GSTCD: variants seen among roughly 807,000 people sequenced by gnomAD.
GSTCD encodes the protein glutathione S-transferase C-terminal domain containing, also known as glutathione S-transferase C-terminal domain-containing protein.
A neutral mutation model predicts 68.3 loss-of-function variants in GSTCD; 44 were observed. That is an observed-to-expected ratio of 0.64 (90% CI 0.51 to 0.83). The LOEUF (loss-of-function observed/expected upper bound fraction) is 0.83. Among genes scored for constraint, GSTCD ranks in the 40% least tolerant of loss-of-function variants. The pLI is 0.00. For synonymous variants in GSTCD, 273 were observed against 255.2 expected (o/e 1.07, Z -0.67); for missense variants, 739 against 735.9 (o/e 1.00, Z -0.05).
At chr4:105,834,780 T>C (rs1015142032) in intron 9 of GSTCD, among the ~76,000 whole-genome samples, 186 bp downstream of exon 9, 6 of 152,244 alleles carry the variant, frequency 3.9e-5, no homozygotes, top group Non-Finnish European at 8.8e-5. Flanking sequence ...ATTTTTCCCC[T>C]GGATCCAGTT....
chr4:105,807,419 CTT>C (rs938794101), intron 5 of GSTCD: 1 of 152,086 alleles, frequency 6.6e-6, no homozygotes, highest in Admixed American at 6.6e-5. Context: ...CTCTCACTCT[CTT>C]TGAATATGCA....
chr4:105,729,853 C>A (rs1452073001), intron 5 of GSTCD, among the ~76,000 whole-genome samples: 2 of 152,136 alleles, frequency 1.3e-5, no homozygotes, highest in Non-Finnish European at 1.5e-5. Context: ...ATTAACTCAT[C>A]ATTTACATTA....
chr4:105,803,706 A>T (rs1206123892), intron 5 of GSTCD, among the ~76,000 whole-genome samples: 1 of 152,064 alleles, frequency 6.6e-6, no homozygotes, highest in Non-Finnish European at 1.5e-5. Flanking sequence ...AGTGAAAAAA[A>T]AAATGCAACT....
At chr4:105,730,179 T>C (rs543764100) in intron 5 of GSTCD, among the ~76,000 whole-genome samples, 1 of 152,286 alleles carries the variant, frequency 6.6e-6, no homozygotes, top group East Asian at 1.9e-4. Context: ...TCTTTGCTAT[T>C]GTGAATAGTG....
intron 5 of GSTCD, among the ~76,000 whole-genome samples, chr4:105,804,348 TCCC>T (rs1479305565): frequency 6.6e-6 from 1 of 152,070 alleles, no homozygotes; most frequent in Non-Finnish European, 1.5e-5. Flanking sequence ...AATAGAATAA[TCCC>T]CTAAATTATA....
intron 5 of GSTCD, among the ~76,000 whole-genome samples, chr4:105,741,630 A>C (rs1452687167): frequency 6.6e-6 from 1 of 152,226 alleles, no homozygotes; most frequent in Non-Finnish European, 1.5e-5. Flanking sequence ...AATCAATTAC[A>C]TCAGCTACCA....
chr4:105,839,545 G>A (rs989082425), intron 10 of GSTCD, among the ~76,000 whole-genome samples: 1 of 152,210 alleles, frequency 6.6e-6, no homozygotes, highest in African/African-American at 2.4e-5. Flanking sequence ...TGAAGCACGA[G>A]AATTGATTGA....
chr4:105,829,841 T>C (rs1477437701), intron 8 of GSTCD, among the ~76,000 whole-genome samples: 1 of 151,550 alleles, frequency 6.6e-6, no homozygotes, highest in Non-Finnish European at 1.5e-5. Flanking sequence ...GAGGGAACGA[T>C]CAGAGAACAA....
chr4:105,794,311 C>T (rs552263545), intron 5 of GSTCD, among the ~76,000 whole-genome samples: 9 of 152,010 alleles, frequency 5.9e-5, no homozygotes, highest in Admixed American at 3.3e-4. Context: ...TGAACATCCC[C>T]GTACGATACT....
At position 105,755,079 on chromosome 4, in the gene GSTCD, A is replaced by T. The variant is rs912549850; in HGVS notation, c.1240+25580A>T. Among the ~76,000 whole-genome samples, 322 of 144,578 alleles carry T rather than the reference A, an allele frequency of 2.2e-3. 1 individual carries two copies. Among genetic ancestry groups the T allele is most frequent in the Middle Eastern group, 0.014 (4 of 284 alleles). The allele number at this position is 144,578 out of a possible 152,430, so 94.8% of individuals were successfully genotyped here. ...TCCAAAAAAAAAAAAAAAAAAAAAA[A>T]AAAAAAAAAAAAAAAAAAAATTAGC... On this transcript the variant is annotated intron_variant, in intron 5 of 11. Coordinates refer to ENST00000515279, the MANE Select transcript of GSTCD (RefSeq NM_001370181.1).
intron 5 of GSTCD, among the ~76,000 whole-genome samples, chr4:105,778,758 ACT>A (rs975718576): frequency 6.6e-6 from 1 of 152,052 alleles, no homozygotes; most frequent in Non-Finnish European, 1.5e-5. Flanking sequence ...TTTCTGTCAT[ACT>A]CTTTTTAAAT....
intron 5 of GSTCD, among the ~76,000 whole-genome samples, chr4:105,730,077 C>G (rs917725588): frequency 1.3e-5 from 2 of 152,108 alleles, no homozygotes; most frequent in Non-Finnish European, 2.9e-5. Context: ...TGAACTCATC[C>G]TTTTTTATGG....
chr4:105,724,222 C>T (rs1279117390), intron 3 of GSTCD, among the ~76,000 whole-genome samples: 1 of 151,642 alleles, frequency 6.6e-6, no homozygotes, highest in Admixed American at 6.6e-5. Flanking sequence ...TCTACGGAAA[C>T]ATTTGTTGCC....
intron 5 of GSTCD, among the ~76,000 whole-genome samples, chr4:105,819,772 A>G (rs868517533): frequency 6.6e-6 from 1 of 151,674 alleles, no homozygotes. Context: ...AGAGTGGTGT[A>G]TACAACATTG....
chr4:105,710,430 T>G (rs1732498487), intron 1 of GSTCD, among the ~76,000 whole-genome samples: 1 of 146,222 alleles, frequency 6.8e-6, no homozygotes, highest in South Asian at 2.3e-4. Flanking sequence ...GGTTTCACCA[T>G]GTTGGCCAGG....
intron 5 of GSTCD, among the ~76,000 whole-genome samples, chr4:105,791,946 A>T (rs929828221): frequency 6.6e-6 from 1 of 152,142 alleles, no homozygotes; most frequent in Non-Finnish European, 1.5e-5. Flanking sequence ...ATTTATATCT[A>T]AAAAACTTAG....
At chr4:105,834,279 C>T (rs1724022455) in intron 8 of GSTCD, among the ~76,000 whole-genome samples, 182 bp from the exon 9 acceptor site, 1 of 152,178 alleles carries the variant, frequency 6.6e-6, no homozygotes, top group Non-Finnish European at 1.5e-5. Context: ...TTGAATGAAT[C>T]TTATGCTTTA....
intron 5 of GSTCD, among the ~76,000 whole-genome samples, chr4:105,753,818 A>G (rs1444855869): frequency 6.6e-6 from 1 of 152,044 alleles, no homozygotes; most frequent in South Asian, 2.1e-4. Flanking sequence ...CTAGCTCTTT[A>G]TTAATTCCAT....
chr4:105,752,692 T>C (rs951291272), intron 5 of GSTCD, among the ~76,000 whole-genome samples: 1 of 152,096 alleles, frequency 6.6e-6, no homozygotes, highest in Non-Finnish European at 1.5e-5. Flanking sequence ...ACTAGGCAAG[T>C]TTGAAAATTA....
Sources: allele counts gnomAD v4.1 joint callset (sites outside exome capture counted in the v4.1 genomes callset), GRCh38; gene constraint gnomAD v4.1.1; transcripts MANE v1.5; gene names NCBI Gene and HGNC (gene_info 2026-07-23, HGNC 2026-07-21).